BCKDHB: variants seen among roughly 807,000 people sequenced by gnomAD.
The protein encoded by BCKDHB is 2-oxoisovalerate dehydrogenase subunit beta, mitochondrial.
A neutral mutation model predicts 48.5 loss-of-function variants in BCKDHB; 41 were observed. The ratio of observed to expected loss-of-function variants is 0.85; its 90% CI spans 0.66 to 1.10. BCKDHB has a LOEUF of 1.10. Ranked by LOEUF, BCKDHB falls within the 50% of genes least tolerant of loss-of-function variation. The pLI, the probability that BCKDHB is intolerant of heterozygous loss-of-function variation, is 0.00. For missense variants in BCKDHB, 496 were observed against 494.2 expected, an observed-to-expected ratio of 1.00 and a Z score of -0.03; for synonymous variants, 201 against 174.8, an observed-to-expected ratio of 1.15 and a Z score of -1.18.
intron 8 of BCKDHB, among the ~76,000 whole-genome samples, chr6:80,263,544 G>T (rs1464111380): frequency 6.6e-6 from 1 of 152,002 alleles, no homozygotes; most frequent in African/African-American, 2.4e-5. Flanking sequence ...TTTAAGCCTT[G>T]CCCATGTATT....
At chr6:80,197,465 G>A (rs1774184374) in intron 6 of BCKDHB, among the ~76,000 whole-genome samples, 1 of 151,980 alleles carries the variant, frequency 6.6e-6, no homozygotes, top group African/African-American at 2.4e-5. Context: ...TTAAAATAAT[G>A]AGGCCTTATT....
At chr6:80,409,550 A>T in the BCKDHB span, among the ~76,000 whole-genome samples, 1 of 105,296 alleles carries the variant, frequency 9.5e-6, no homozygotes, top group African/African-American at 3.6e-5. Context: ...TTGCTTTATA[A>T]ATCTGGGTGC....
intron 8 of BCKDHB, among the ~76,000 whole-genome samples, chr6:80,207,266 G>C (rs1246767593): frequency 1.3e-5 from 2 of 151,844 alleles, no homozygotes; most frequent in Non-Finnish European, 1.5e-5. Flanking sequence ...AAACACAAAA[G>C]CTAGGGGGTC....
the BCKDHB span, among the ~76,000 whole-genome samples, chr6:80,383,586 A>G: frequency 6.6e-6 from 1 of 152,116 alleles, no homozygotes; most frequent in East Asian, 1.9e-4. Context: ...TATTCAATTT[A>G]TTTAAAATGT....
intron 3 of BCKDHB, among the ~76,000 whole-genome samples, chr6:80,158,792 C>T (rs1772176729): frequency 6.6e-6 from 1 of 152,202 alleles, no homozygotes; most frequent in Non-Finnish European, 1.5e-5. Context: ...AGCTGAAGTG[C>T]TGATATCTGT....
chr6:80,230,475 A>G (rs1247748526), intron 8 of BCKDHB, among the ~76,000 whole-genome samples: 1 of 152,158 alleles, frequency 6.6e-6, no homozygotes, highest in Non-Finnish European at 1.5e-5. Flanking sequence ...TAAACAAGCT[A>G]TGGCTGGGAT....
the BCKDHB span, among the ~76,000 whole-genome samples, chr6:80,392,543 G>T: frequency 4.0e-5 from 6 of 151,556 alleles, no homozygotes; most frequent in Non-Finnish European, 2.9e-5. Context: ...GCAAGAGTTT[G>T]TATGCTCCTT....
chr6:80,323,652 T>C (rs931385492), intron 9 of BCKDHB, among the ~76,000 whole-genome samples: 1 of 152,216 alleles, frequency 6.6e-6, no homozygotes, highest in African/African-American at 2.4e-5. Context: ...GTATTTCTTT[T>C]AGAATTCTCA....
chr6:80,327,213 C>T (rs1176158475), intron 9 of BCKDHB, among the ~76,000 whole-genome samples: 2 of 152,170 alleles, frequency 1.3e-5, no homozygotes, highest in East Asian at 3.9e-4. Flanking sequence ...TAACCTGTAA[C>T]TTAGCCTTGT....
At chr6:80,166,836 A>AT (rs1772595786) in intron 3 of BCKDHB, among the ~76,000 whole-genome samples, 1 of 152,048 alleles carries the variant, frequency 6.6e-6, no homozygotes. Flanking sequence ...ATTGAAAAGG[A>AT]TTTGTATTCT....
chr6:80,397,025 A>C, the BCKDHB span, among the ~76,000 whole-genome samples: 1 of 152,168 alleles, frequency 6.6e-6, no homozygotes, highest in Non-Finnish European at 1.5e-5. Context: ...CCCAATTCTT[A>C]CACTTCAGAA....
intron 1 of BCKDHB, among the ~76,000 whole-genome samples, chr6:80,110,711 G>A (rs1363970700): frequency 1.3e-5 from 2 of 152,344 alleles, no homozygotes; most frequent in East Asian, 3.9e-4. Flanking sequence ...AGGGTATATG[G>A]ATCTGCCACC....
chr6:80,151,945 C>G (rs527685616), intron 3 of BCKDHB, among the ~76,000 whole-genome samples: 2 of 152,008 alleles, frequency 1.3e-5, no homozygotes, highest in Non-Finnish European at 2.9e-5. Context: ...CTGGTGTTGA[C>G]GTAGGTACTG....
At chr6:80,369,931 GAT>G in the BCKDHB span, among the ~76,000 whole-genome samples, 1 of 126,928 alleles carries the variant, frequency 7.9e-6, no homozygotes, top group Admixed American at 9.8e-5. Flanking sequence ...TTTTATTTAT[GAT>G]ATGTTATAGT....
At chr6:80,396,804 G>T in the BCKDHB span, among the ~76,000 whole-genome samples, 7 of 152,118 alleles carry the variant, frequency 4.6e-5, no homozygotes, top group Non-Finnish European at 8.8e-5. Context: ...TGTCATGATT[G>T]TAAGTTTCCT....
rs1159980765 is a variant in BCKDHB at position 80,344,850 on chromosome 6, C to T, written c.*1046C>T. On this transcript the variant is annotated 3_prime_UTR_variant, in exon 10 of 10. Coordinates refer to ENST00000320393, the MANE Select transcript of BCKDHB (RefSeq NM_183050.4). ...TACTTTCTGTATTTAAAAATGGCCC[C>T]TCAAGCACCGTTAATTTACATTCCA... 6.6e-6 allele frequency: 1 copy of T among 152,178 alleles called. No individual in the cohort carries two copies. Among genetic ancestry groups the T allele is most frequent in the Non-Finnish European group, 1.5e-5 (1 of 68,038 alleles). 9.4% of individuals were successfully genotyped at this position (152,178 alleles called of 1,614,324 possible).
At chr6:80,274,653 A>G (rs369781626) in intron 9 of BCKDHB, among the ~76,000 whole-genome samples, 3 of 152,088 alleles carry the variant, frequency 2.0e-5, no homozygotes, top group East Asian at 3.9e-4. Flanking sequence ...TCAATTGCAT[A>G]TAATTAAAAA....
the BCKDHB span, among the ~76,000 whole-genome samples, chr6:80,378,490 C>T: frequency 5.3e-5 from 8 of 151,720 alleles, no homozygotes; most frequent in African/African-American, 1.5e-4. Flanking sequence ...ATAAAGAAAA[C>T]GTGGTAGGTA....
chr6:80,376,278 G>A, the BCKDHB span, among the ~76,000 whole-genome samples: 1 of 152,162 alleles, frequency 6.6e-6, no homozygotes, highest in Non-Finnish European at 1.5e-5. Flanking sequence ...AGGTTGCCAG[G>A]GAAGTGGGGG....
Sources: allele counts gnomAD v4.1 joint callset (sites outside exome capture counted in the v4.1 genomes callset), GRCh38; gene constraint gnomAD v4.1.1; transcripts MANE v1.5; gene names NCBI Gene and HGNC (gene_info 2026-07-23, HGNC 2026-07-21).